ESRRG: variants seen among roughly 807,000 people sequenced by gnomAD.
ESRRG encodes estrogen related receptor gamma.
In ESRRG, 13 loss-of-function variants were observed where a neutral mutation model predicts 44.0. The ratio of observed to expected loss-of-function variants is 0.30; its 90% CI spans 0.19 to 0.47. The LOEUF is 0.47. Among genes scored for constraint, ESRRG ranks in the 20% least tolerant of loss-of-function variants. ESRRG has a pLI of 1.00. For synonymous variants in ESRRG, 215 were observed against 214.6 expected (o/e 1.00, Z -0.02); for missense variants, 395 against 580.6 (o/e 0.68, Z 3.29).
At chr1:216,803,266 G>A (rs780703130) in intron 2 of ESRRG, among the ~76,000 whole-genome samples, 32 of 152,080 alleles carry the variant, frequency 2.1e-4, no homozygotes, top group African/African-American at 7.0e-4. Flanking sequence ...CACACTACAC[G>A]AGTACAAAAT....
At chr1:216,919,815 G>A (rs567016457) in intron 2 of ESRRG, among the ~76,000 whole-genome samples, 3 of 152,282 alleles carry the variant, frequency 2.0e-5, no homozygotes, top group Non-Finnish European at 1.5e-5. Flanking sequence ...TATGGTAGGA[G>A]AACAAGATAA....
intron 3 of ESRRG, among the ~76,000 whole-genome samples, chr1:216,625,461 C>T (rs2063036390): frequency 6.9e-6 from 1 of 145,602 alleles, no homozygotes; most frequent in Non-Finnish European, 1.5e-5. Context: ...CACTTGTTCT[C>T]CATATGAAGT....
chr1:216,933,892 C>G (rs997771728), intron 2 of ESRRG, among the ~76,000 whole-genome samples: 1 of 152,136 alleles, frequency 6.6e-6, no homozygotes, highest in East Asian at 1.9e-4. Context: ...TCTGCTCCCC[C>G]ATCTTCCCTC....
chr1:217,017,498 A>AAAAAAG (rs2079594006), intron 1 of ESRRG, among the ~76,000 whole-genome samples: 3 of 149,754 alleles, frequency 2.0e-5, no homozygotes, highest in Non-Finnish European at 4.5e-5. Flanking sequence ...AAAAAAAAAA[A>AAAAAAG]GGAGAAAACC....
At chr1:216,613,888 T>C (rs536324649) in intron 3 of ESRRG, among the ~76,000 whole-genome samples, 1 of 152,370 alleles carries the variant, frequency 6.6e-6, no homozygotes, top group Admixed American at 6.5e-5. Context: ...ATCTTATTGT[T>C]AACCTTTAAC....
intron 2 of ESRRG, among the ~76,000 whole-genome samples, chr1:216,870,038 G>A (rs1195337331): frequency 6.6e-6 from 1 of 151,824 alleles, no homozygotes; most frequent in Non-Finnish European, 1.5e-5. Context: ...TAGAAGTTTT[G>A]TAGGTAGACC....
chr1:216,740,678 T>G (rs1236359658), intron 2 of ESRRG, among the ~76,000 whole-genome samples: 1 of 151,944 alleles, frequency 6.6e-6, no homozygotes. Flanking sequence ...ATTGTAACCC[T>G]GCCTTAGATG....
intron 2 of ESRRG, among the ~76,000 whole-genome samples, chr1:216,730,088 A>C (rs1197266427): frequency 6.6e-6 from 1 of 152,112 alleles, no homozygotes; most frequent in African/African-American, 2.4e-5. Context: ...CTATTAGAAA[A>C]GATTACATTT....
At chr1:216,586,576 T>A (rs1362380106) in intron 3 of ESRRG, among the ~76,000 whole-genome samples, 1 of 150,962 alleles carries the variant, frequency 6.6e-6, no homozygotes, top group Non-Finnish European at 1.5e-5. Context: ...TAAGTAACTT[T>A]TGGGCTTTTT....
At chr1:217,084,638 G>A (rs2091968831) in intron 1 of ESRRG, among the ~76,000 whole-genome samples, 1 of 152,132 alleles carries the variant, frequency 6.6e-6, no homozygotes, top group African/African-American at 2.4e-5. Flanking sequence ...TGTCAGGCAT[G>A]CATATTGTCC....
At chr1:216,892,294 C>T (rs939188073) in intron 2 of ESRRG, among the ~76,000 whole-genome samples, 3 of 152,072 alleles carry the variant, frequency 2.0e-5, no homozygotes, top group African/African-American at 7.2e-5. Context: ...TCAGGCATGC[C>T]TACCAAGAAG....
At chr1:216,663,197 G>GT (rs1479255722) in intron 2 of ESRRG, among the ~76,000 whole-genome samples, 1 of 152,134 alleles carries the variant, frequency 6.6e-6, no homozygotes, top group East Asian at 1.9e-4. Flanking sequence ...GCACAGTGAG[G>GT]TTTTTCCAAA....
chr1:216,540,700 A>G (rs924636182), intron 5 of ESRRG, among the ~76,000 whole-genome samples: 2 of 152,010 alleles, frequency 1.3e-5, no homozygotes, highest in Non-Finnish European at 2.9e-5. Flanking sequence ...GCACTTGAGT[A>G]ACCGAAATAT....
rs140747576 is a variant in ESRRG, at chr1:216,679,342, C to T, written c.57-1851G>A. Among the ~76,000 whole-genome samples, 496 of 150,414 alleles carry T rather than the reference C, an allele frequency of 3.3e-3. 4 individuals carry two copies. The highest frequency in any genetic ancestry group is 0.012 in the African/African-American group (478 of 39,706). ...TCTCCTTAGCACTCTGGGCTAAGCA[C>T]TTTCCTCAAGTCATCGTTTGAAAGA... On this transcript the variant is annotated intron_variant, in intron 1 of 6. Coordinates refer to ENST00000408911, the MANE Select transcript of ESRRG (RefSeq NM_001438.4).
intron 3 of ESRRG, among the ~76,000 whole-genome samples, chr1:216,611,019 A>C (rs1050224419): frequency 1.3e-5 from 2 of 152,034 alleles, no homozygotes; most frequent in Non-Finnish European, 2.9e-5. Flanking sequence ...CCTGACCAAC[A>C]TGATGAAACT....
intron 2 of ESRRG, among the ~76,000 whole-genome samples, chr1:216,779,156 ATAAAAT>A (rs1408135631): frequency 1.2e-5 from 1 of 86,692 alleles, no homozygotes; most frequent in East Asian, 2.7e-4. Flanking sequence ...TTATATATAT[ATAAAAT>A]AAATATATAT....
At chr1:216,537,036 G>A (rs1486785953) in intron 5 of ESRRG, among the ~76,000 whole-genome samples, 2 of 152,050 alleles carry the variant, frequency 1.3e-5, no homozygotes, top group African/African-American at 2.4e-5. Context: ...AAGGAGGTGA[G>A]AGAGCAAGTC....
intron 2 of ESRRG, among the ~76,000 whole-genome samples, chr1:216,728,728 CA>C (rs2088079405): frequency 6.6e-6 from 1 of 150,938 alleles, no homozygotes; most frequent in Non-Finnish European, 1.5e-5. Context: ...ATGTTCAATA[CA>C]AATTTAAAAG....
At chr1:216,585,906 T>G (rs6673467) in intron 3 of ESRRG, among the ~76,000 whole-genome samples, 126,093 of 151,900 alleles carry the variant, frequency 0.83, 52,654 homozygotes, top group African/African-American at 0.87. Flanking sequence ...CAGGCGTGGT[T>G]GTGGGTGCCT....
Sources: allele counts gnomAD v4.1 joint callset (sites outside exome capture counted in the v4.1 genomes callset), GRCh38; gene constraint gnomAD v4.1.1; transcripts MANE v1.5; gene names NCBI Gene and HGNC (gene_info 2026-07-23, HGNC 2026-07-21).